The following ATP10B variants were observed in gnomAD, a reference collection of about 807,000 sequenced individuals.
ATP10B encodes the protein ATPase phospholipid transporting 10B (putative).
ATP10B carries 122 observed loss-of-function variants against 141.2 expected under a neutral mutation model. The observed-to-expected ratio is 0.86, with a 90% CI of 0.75 to 1.00. The LOEUF (loss-of-function observed/expected upper bound fraction) is 1.00. Among genes scored for constraint, ATP10B ranks in the 50% least tolerant of loss-of-function variants. The probability of loss-of-function intolerance (pLI) is 0.00; values close to 1 mark genes in which losing one functional copy is unlikely to be tolerated. For missense variants in ATP10B, 1,876 were observed against 1,825.3 expected (o/e 1.03, Z -0.51); for synonymous variants, 685 against 692.0 (o/e 0.99, Z 0.16).
chr5:160,783,490 T>C (rs139122834), intron 2 of ATP10B, among the ~76,000 whole-genome samples: 4,620 of 140,094 alleles, frequency 0.033, 231 homozygotes, highest in East Asian at 0.25. Context: ...ATATATATGA[T>C]CGATATATAT....
At chr5:160,806,845 T>C (rs1452543357) in intron 1 of ATP10B, among the ~76,000 whole-genome samples, 1 of 152,218 alleles carries the variant, frequency 6.6e-6, no homozygotes, top group Non-Finnish European at 1.5e-5. Context: ...CAATATGCCA[T>C]CCTGCCTTCT....
chr5:160,885,110 T>G, the ATP10B span, among the ~76,000 whole-genome samples: 1 of 152,316 alleles, frequency 6.6e-6, no homozygotes, highest in East Asian at 1.9e-4. Flanking sequence ...CTGATCCTTT[T>G]GGGAATAGGC....
intron 1 of ATP10B, among the ~76,000 whole-genome samples, chr5:160,837,731 T>C (rs189001403): frequency 1.0e-3 from 152 of 152,310 alleles, no homozygotes; most frequent in African/African-American, 3.6e-3. Flanking sequence ...TTTATTATCC[T>C]GCGTTTTTCA....
At chr5:160,787,740 A>G (rs1771275796) in intron 1 of ATP10B, among the ~76,000 whole-genome samples, 2 of 152,026 alleles carry the variant, frequency 1.3e-5, no homozygotes, top group South Asian at 4.1e-4. Context: ...GAAGATTGGG[A>G]CACTCTGTGA....
intron 3 of ATP10B, among the ~76,000 whole-genome samples, chr5:160,699,998 T>G (rs1000173426): frequency 6.6e-6 from 1 of 151,900 alleles, no homozygotes; most frequent in South Asian, 2.1e-4. Context: ...TGACTGGGGG[T>G]CTAGAAGTCA....
chr5:160,746,408 T>C (rs909265072), intron 2 of ATP10B, among the ~76,000 whole-genome samples: 2 of 151,988 alleles, frequency 1.3e-5, no homozygotes, highest in Non-Finnish European at 2.9e-5. Flanking sequence ...TTTTTTTTTT[T>C]TGAGACTGAG....
chr5:160,653,001 T>A lies in ATP10B; in HGVS notation c.676-3745A>T, dbSNP rs187827932. Among the ~76,000 whole-genome samples the A allele has an allele frequency of 6.9e-3, 720 of 104,650 alleles. 10 individuals are homozygous for A. The highest frequency in any genetic ancestry group is 0.027 in the African/African-American group (680 of 24,824). 68.7% of individuals were successfully genotyped at this position (104,650 alleles called of 152,430 possible). On this transcript the variant is annotated intron_variant, in intron 7 of 25. Transcript: ENST00000327245. ...ATATACATACATATTTATATTTATA[T>A]ATTATATATATTTATATTATATATT...
At chr5:160,787,129 CA>C (rs1405308265) in intron 1 of ATP10B, among the ~76,000 whole-genome samples, 94 of 120,270 alleles carry the variant, frequency 7.8e-4, no homozygotes, top group Middle Eastern at 4.2e-3. Flanking sequence ...CACACACACA[CA>C]CACACACACA....
chr5:160,727,623 T>C lies in ATP10B; in HGVS notation c.-330-10589A>G, dbSNP rs535176010. On this transcript the variant is annotated intron_variant, in intron 2 of 25. Transcript: ENST00000327245. ...CAATGTTTTTTTAGGGTGGGAACTTTGGGTCCCACGGTATCAGCTCAACTT... is the reference window on the plus strand; with the variant it reads ...CAATGTTTTTTTAGGGTGGGAACTTCGGGTCCCACGGTATCAGCTCAACTT... Among the ~76,000 whole-genome samples, 9 of 152,278 alleles carry C rather than the reference T, an allele frequency of 5.9e-5. No homozygotes were observed. In the South Asian group the frequency reaches 1.9e-3, roughly 32 times the overall value.
At chr5:160,813,040 A>G (rs1581580638) in intron 1 of ATP10B, among the ~76,000 whole-genome samples, 1 of 152,250 alleles carries the variant, frequency 6.6e-6, no homozygotes, top group Non-Finnish European at 1.5e-5. Context: ...GCTCCAGTCT[A>G]CAGCTCCCAG....
the ATP10B span, among the ~76,000 whole-genome samples, chr5:160,874,744 C>G: frequency 1.3e-5 from 2 of 151,762 alleles, no homozygotes; most frequent in African/African-American, 4.8e-5. Flanking sequence ...AATGCAGAAG[C>G]CTCAGGAGCC....
At chr5:160,839,092 C>A (rs1431775609) in intron 1 of ATP10B, among the ~76,000 whole-genome samples, 2 of 152,118 alleles carry the variant, frequency 1.3e-5, no homozygotes, top group Non-Finnish European at 2.9e-5. Context: ...GCCTGCAGAA[C>A]CATACATCAA....
chr5:160,918,343 A>T, the ATP10B span, among the ~76,000 whole-genome samples: 115 of 152,370 alleles, frequency 7.5e-4, 1 homozygote, highest in African/African-American at 2.5e-3. Flanking sequence ...AGGGGGCTTG[A>T]TTGAGTCTAG....
chr5:160,689,033 A>G, intron 3 of ATP10B, 90 bp from the exon 4 acceptor site: 1 of 672,770 alleles, frequency 1.5e-6, no homozygotes, highest in Non-Finnish European at 1.8e-6. Context: ...GTCCACCACC[A>G]TCGAGTCAGC....
chr5:160,685,359 A>G (rs1043514753), intron 6 of ATP10B: 88 of 561,158 alleles, frequency 1.6e-4, no homozygotes, highest in African/African-American at 1.5e-3. Flanking sequence ...GGGGAGAAAC[A>G]TGACAAGGAA....
intron 3 of ATP10B, among the ~76,000 whole-genome samples, chr5:160,700,405 A>G (rs1010479300): frequency 6.6e-6 from 1 of 152,136 alleles, no homozygotes; most frequent in Non-Finnish European, 1.5e-5. Flanking sequence ...CTTTCATCTC[A>G]AGTTTAATTC....
chr5:160,766,961 G>A (rs1769490259), intron 2 of ATP10B, among the ~76,000 whole-genome samples: 1 of 152,080 alleles, frequency 6.6e-6, no homozygotes, highest in Non-Finnish European at 1.5e-5. Context: ...AGTCTTTGGG[G>A]GATTTTTCAA....
the ATP10B span, among the ~76,000 whole-genome samples, chr5:160,910,638 G>A: frequency 1.3e-5 from 2 of 152,160 alleles, no homozygotes; most frequent in Non-Finnish European, 2.9e-5. Flanking sequence ...CACCAAGACT[G>A]AATTATTTTA....
intron 6 of ATP10B, among the ~76,000 whole-genome samples, chr5:160,680,420 C>A (rs1324434403): frequency 1.3e-5 from 2 of 152,168 alleles, no homozygotes; most frequent in Admixed American, 6.5e-5. Flanking sequence ...TAACACTTAT[C>A]TATTTAATAG....
Sources: allele counts gnomAD v4.1 joint callset (sites outside exome capture counted in the v4.1 genomes callset), GRCh38; gene constraint gnomAD v4.1.1; transcripts MANE v1.5; gene names NCBI Gene and HGNC (gene_info 2026-07-23, HGNC 2026-07-21).